The following DAB1 variants were observed in gnomAD, a reference collection of about 807,000 sequenced individuals.
The protein encoded by DAB1 is disabled homolog 1.
Under a neutral mutation model 64.6 loss-of-function variants are expected in DAB1, and 15 were observed. The observed-to-expected ratio is 0.23, with a 90% CI of 0.16 to 0.36. The LOEUF is 0.36. Among genes scored for constraint, DAB1 ranks in the 10% least tolerant of loss-of-function variants. The pLI, the probability that DAB1 is intolerant of heterozygous loss-of-function variation, is 1.00. For synonymous variants in DAB1, 235 were observed against 251.9 expected, an observed-to-expected ratio of 0.93 and a Z score of 0.64; for missense variants, 596 against 706.7, an observed-to-expected ratio of 0.84 and a Z score of 1.78.
chr1:57,536,464 C>T lies in DAB1; in HGVS notation n.625+113128G>A, dbSNP rs543282773. On this transcript the variant is annotated intron_variant and non_coding_transcript_variant, in intron 7 of 20. Transcript: ENST00000485760. ...AAATTGTACTGAAAAAGCATATGCT[C>T]AGCAGATTCTTAATGTCAGCAAAGT... 1.6e-3 allele frequency among the ~76,000 whole-genome samples: 243 copies of T among 152,270 alleles called. 1 individual carries two copies. The highest frequency in any genetic ancestry group is 5.5e-3 in the African/African-American group (230 of 41,568).
chr1:57,686,745 C>A (rs1646701912), intron 6 of DAB1, among the ~76,000 whole-genome samples: 1 of 152,054 alleles, frequency 6.6e-6, no homozygotes, highest in Non-Finnish European at 1.5e-5. Context: ...AAGGCTAGTC[C>A]AACATATGCA....
At position 58,413,842 on chromosome 1, in the gene DAB1, G is replaced by A. The variant is rs148574693; in HGVS notation, n.258-70439C>T. Among the ~76,000 whole-genome samples, 600 of 152,170 alleles carry A rather than the reference G, an allele frequency of 3.9e-3. 6 individuals are homozygous for A. The highest frequency in any genetic ancestry group is 0.013 in the African/African-American group (550 of 41,512). ...TACAGAATTGCAGGACCTCTATAGA[G>A]TCATGTGTCTCTCGACAACAGGGAT... On this transcript the variant is annotated intron_variant and non_coding_transcript_variant, in intron 3 of 20. Transcript: ENST00000485760.
intron 5 of DAB1, among the ~76,000 whole-genome samples, chr1:57,902,508 C>T (rs1644490717): frequency 6.6e-6 from 1 of 152,136 alleles, no homozygotes; most frequent in Admixed American, 6.5e-5. Context: ...AACGTCCTTT[C>T]AGCATCTCTT....
At chr1:58,361,279 G>A (rs1557739755) in intron 3 of DAB1, among the ~76,000 whole-genome samples, 1 of 152,232 alleles carries the variant, frequency 6.6e-6, no homozygotes, top group Non-Finnish European at 1.5e-5. Flanking sequence ...TGTGGTTAGA[G>A]AGAAAAGAAC....
chr1:58,449,625 C>T (rs1159424872), intron 3 of DAB1, among the ~76,000 whole-genome samples: 2 of 152,210 alleles, frequency 1.3e-5, no homozygotes, highest in Non-Finnish European at 2.9e-5. Context: ...TAAGACACCA[C>T]TTCTTCAAAC....
chr1:58,495,473 T>G (rs564094581), intron 3 of DAB1, among the ~76,000 whole-genome samples: 12 of 152,238 alleles, frequency 7.9e-5, no homozygotes, highest in African/African-American at 2.6e-4. Context: ...GCCACTTAAA[T>G]TTTATTTTTC....
chr1:58,256,365 T>C (rs895247789), intron 4 of DAB1, among the ~76,000 whole-genome samples: 3 of 152,198 alleles, frequency 2.0e-5, no homozygotes, highest in Non-Finnish European at 4.4e-5. Flanking sequence ...TTGTGTGCCA[T>C]CTACCCATTT....
intron 5 of DAB1, among the ~76,000 whole-genome samples, chr1:58,051,381 TC>T: frequency 6.6e-6 from 1 of 152,140 alleles, no homozygotes; most frequent in Non-Finnish European, 1.5e-5. Flanking sequence ...CATGAGCTCA[TC>T]CTTTTTTATG....
At chr1:58,500,689 T>C (rs1175130097) in intron 3 of DAB1, among the ~76,000 whole-genome samples, 1 of 152,168 alleles carries the variant, frequency 6.6e-6, no homozygotes, top group Admixed American at 6.5e-5. Flanking sequence ...AACATAACCA[T>C]AAACAATGAG....
chr1:58,125,041 T>C (rs1652979317), intron 5 of DAB1, among the ~76,000 whole-genome samples: 1 of 152,012 alleles, frequency 6.6e-6, no homozygotes, highest in Non-Finnish European at 1.5e-5. Context: ...ATTTTCTAAC[T>C]TTTCTGGGAT....
chr1:57,584,545 C>A (rs1414012254), intron 7 of DAB1, among the ~76,000 whole-genome samples: 1 of 152,172 alleles, frequency 6.6e-6, no homozygotes, highest in Non-Finnish European at 1.5e-5. Context: ...CTTCCAGTGA[C>A]CTGGGCTCGG....
intron 5 of DAB1, among the ~76,000 whole-genome samples, chr1:57,981,330 GAAGA>G (rs1405290730): frequency 6.6e-6 from 1 of 152,038 alleles, no homozygotes; most frequent in Non-Finnish European, 1.5e-5. Flanking sequence ...AGGAAGAAAA[GAAGA>G]AAGAGGAGGA....
chr1:57,751,001 G>A (rs762147476), intron 6 of DAB1, among the ~76,000 whole-genome samples: 6 of 152,126 alleles, frequency 3.9e-5, no homozygotes, highest in African/African-American at 4.8e-5. Context: ...GGGGGATACT[G>A]TTTCCTCCAA....
At chr1:58,291,589 A>T (rs1440288662) in intron 4 of DAB1, among the ~76,000 whole-genome samples, 1 of 152,236 alleles carries the variant, frequency 6.6e-6, no homozygotes, top group Non-Finnish European at 1.5e-5. Flanking sequence ...AACACAAAAT[A>T]TGTGATCAAT....
intron 4 of DAB1, among the ~76,000 whole-genome samples, chr1:58,334,845 TA>T (rs1663071954): frequency 6.6e-6 from 1 of 151,790 alleles, no homozygotes; most frequent in African/African-American, 2.4e-5. Flanking sequence ...AAGGAAGGAA[TA>T]CGTGAACCAA....
intron 3 of DAB1, among the ~76,000 whole-genome samples, chr1:58,389,861 G>A (rs1244553192): frequency 6.6e-6 from 1 of 152,188 alleles, no homozygotes; most frequent in East Asian, 1.9e-4. Flanking sequence ...AAAGAGCCAA[G>A]GAGGAGGTTG....
At chr1:57,196,263 A>G (rs536195661) in intron 2 of DAB1, among the ~76,000 whole-genome samples, 44 of 152,338 alleles carry the variant, frequency 2.9e-4, no homozygotes, top group Middle Eastern at 3.4e-3. Flanking sequence ...GCACATGAGC[A>G]AGTACTCTCT....
intron 7 of DAB1, among the ~76,000 whole-genome samples, chr1:57,494,370 G>A (rs1200239007): frequency 6.6e-6 from 1 of 152,066 alleles, no homozygotes; most frequent in Non-Finnish European, 1.5e-5. Context: ...AAGTGCTAAT[G>A]CACAACTCCG....
intron 7 of DAB1, among the ~76,000 whole-genome samples, chr1:57,618,743 A>AT (rs56821171): frequency 0.46 from 69,074 of 151,772 alleles, 17,058 homozygotes; most frequent in Admixed American, 0.55. Flanking sequence ...TAGCATTACT[A>AT]TTTTTTTAGT....
Sources: gnomAD v4.1 joint callset for allele counts (sites outside exome capture counted in the v4.1 genomes callset) on GRCh38, gnomAD v4.1.1 for gene constraint, MANE v1.5 for transcripts, NCBI Gene and HGNC (gene_info 2026-07-23, HGNC 2026-07-21) for gene names.